Variants in PRPSAP2 observed in about 807,000 individuals in gnomAD.
The protein encoded by PRPSAP2 is phosphoribosyl pyrophosphate synthase-associated protein 2.
PRPSAP2 carries 24 observed loss-of-function variants against 40.6 expected under a neutral mutation model. The observed-to-expected ratio is 0.59, with a 90% CI of 0.43 to 0.83. The LOEUF is 0.83. Among genes scored for constraint, PRPSAP2 ranks in the 40% least tolerant of loss-of-function variants. The pLI, the probability that PRPSAP2 is intolerant of heterozygous loss-of-function variation, is 0.00. For missense variants in PRPSAP2, 292 were observed against 465.6 expected (o/e 0.63, Z 3.43); for synonymous variants, 149 against 164.7 (o/e 0.90, Z 0.73).
chr17:18,878,744 A>C (rs1045728567), intron 6 of PRPSAP2, among the ~76,000 whole-genome samples: 12 of 152,082 alleles, frequency 7.9e-5, no homozygotes, highest in Non-Finnish European at 1.2e-4. Context: ...TTTAGTAGAG[A>C]CAGGGTTTCT....
At chr17:18,920,342 A>G (rs891687497) in intron 9 of PRPSAP2, among the ~76,000 whole-genome samples, 4 of 152,146 alleles carry the variant, frequency 2.6e-5, no homozygotes, top group Non-Finnish European at 5.9e-5. Context: ...TCTGGAAATG[A>G]GTTCATAGGA....
intron 8 of PRPSAP2, among the ~76,000 whole-genome samples, chr17:18,894,599 T>A (rs1199259487): frequency 6.6e-6 from 1 of 150,510 alleles, no homozygotes; most frequent in Admixed American, 6.7e-5. Context: ...CTGCCTCACC[T>A]CCTGAGTAGC....
At chr17:18,898,395 T>C (rs145804164) in intron 8 of PRPSAP2, among the ~76,000 whole-genome samples, 1 of 152,372 alleles carries the variant, frequency 6.6e-6, no homozygotes, top group East Asian at 1.9e-4. Flanking sequence ...TCTTCCTTGC[T>C]GATATTCCAA....
At chr17:18,895,697 C>T (rs1486196640) in intron 8 of PRPSAP2, among the ~76,000 whole-genome samples, 1 of 151,994 alleles carries the variant, frequency 6.6e-6, no homozygotes, top group Non-Finnish European at 1.5e-5. Flanking sequence ...ATGATCTCAG[C>T]TCACTGTGAC....
At chr17:18,863,831 C>CTTTTTTT (rs34770102) in intron 1 of PRPSAP2, among the ~76,000 whole-genome samples, 1 of 86,052 alleles carries the variant, frequency 1.2e-5, no homozygotes, top group Non-Finnish European at 2.1e-5. Flanking sequence ...ACTGCGTGGC[C>CTTTTTTT]TTTTTTTTTT....
chr17:18,872,090 G>A lies in PRPSAP2; in HGVS notation c.173-493G>A, dbSNP rs532189397. On this transcript the variant is annotated intron_variant, in intron 4 of 11. Transcript: ENST00000268835. ...TCGAGACCATCCTGGCTAACATGGT[G>A]AAACCCTGTCTCTACTAAAAAAATA... Among the ~76,000 whole-genome samples, 41 of 152,186 alleles carry A rather than the reference G, an allele frequency of 2.7e-4. No individual in the cohort carries two copies. In the Middle Eastern group the frequency reaches 0.01, roughly 38 times the overall value.
intron 5 of PRPSAP2, among the ~76,000 whole-genome samples, chr17:18,874,134 G>A (rs1659761660): frequency 6.6e-6 from 1 of 151,954 alleles, no homozygotes; most frequent in Non-Finnish European, 1.5e-5. Context: ...CAAACTTTTG[G>A]CCTCAAGTGA....
chr17:18,872,081 T>C (rs2037925961), intron 4 of PRPSAP2, among the ~76,000 whole-genome samples: 2 of 152,036 alleles, frequency 1.3e-5, no homozygotes, highest in Admixed American at 1.3e-4. Context: ...CCATCCTGGC[T>C]AACATGGTGA....
rs755086865 is a variant in PRPSAP2 at position 18,930,725 on chromosome 17, G to A, written c.*27G>A. The A allele has an allele frequency of 8.2e-6, 13 of 1,586,682 alleles. No individual in the cohort carries two copies. In the Admixed American group the frequency reaches 1.0e-4, roughly 13 times the overall value. On this transcript the variant is annotated 3_prime_UTR_variant, in exon 12 of 12. Transcript: ENST00000268835. Reference sequence around the variant, plus strand: ...TTTTCCTTTAGGAAAACTCCCGAGGGCCAAACTGGAAACATAAGAGTGACT... The same window carrying A: ...TTTTCCTTTAGGAAAACTCCCGAGGACCAAACTGGAAACATAAGAGTGACT...
intron 8 of PRPSAP2, among the ~76,000 whole-genome samples, chr17:18,892,727 G>GTGTGTGTTTGTT (rs60288281): frequency 6.3e-5 from 8 of 126,626 alleles, no homozygotes; most frequent in African/African-American, 9.1e-5. Flanking sequence ...GTGTGTGTGT[G>GTGTGTGTTTGTT]TATTTATTTA....
At chr17:18,872,051 G>A (rs956353547) in intron 4 of PRPSAP2, among the ~76,000 whole-genome samples, 3 of 152,054 alleles carry the variant, frequency 2.0e-5, no homozygotes, top group Non-Finnish European at 4.4e-5. Context: ...CAGGCAGATC[G>A]CGAGGTCAGG....
At chr17:18,926,219 C>T (rs367664149) in intron 10 of PRPSAP2, among the ~76,000 whole-genome samples, 3 of 151,806 alleles carry the variant, frequency 2.0e-5, no homozygotes, top group Admixed American at 6.6e-5. Flanking sequence ...CCTTTCCCCC[C>T]GTTCTAGTGC....
intron 3 of PRPSAP2, among the ~76,000 whole-genome samples, chr17:18,866,359 T>C (rs1156838155): frequency 6.6e-6 from 1 of 152,100 alleles, no homozygotes; most frequent in Non-Finnish European, 1.5e-5. Context: ...GGTCAGGAGA[T>C]TGAGACCATC....
chr17:18,868,524 A>C (rs1266387838), intron 4 of PRPSAP2, among the ~76,000 whole-genome samples: 1 of 151,842 alleles, frequency 6.6e-6, no homozygotes, highest in African/African-American at 2.4e-5. Context: ...GGAGCGATGG[A>C]CAGCTTGCAT....
intron 8 of PRPSAP2, among the ~76,000 whole-genome samples, chr17:18,897,893 A>G (rs1048198149): frequency 1.5e-4 from 22 of 151,666 alleles, no homozygotes; most frequent in African/African-American, 5.3e-4. Context: ...TAGAAGTCAT[A>G]CCTCTCTGTG....
chr17:18,884,985 C>T (rs1308776592), intron 7 of PRPSAP2, among the ~76,000 whole-genome samples: 3 of 152,206 alleles, frequency 2.0e-5, no homozygotes, highest in African/African-American at 7.2e-5. Context: ...CTGGGGCACC[C>T]TTGTGCTGGT....
chr17:18,865,920 A>G lies in PRPSAP2; in HGVS notation c.87A>G (p.Ser29=). 1 of 1,538,672 alleles carries G rather than the reference A, an allele frequency of 6.5e-7. No individual in the cohort carries two copies. Among genetic ancestry groups the G allele is most frequent in the Non-Finnish European group, 8.8e-7 (1 of 1,132,990 alleles). The change falls in exon 3 of 12, where the codon TCA becomes TCG. Residue 29 remains serine (S), a synonymous_variant. Transcript: ENST00000268835. ...GLVLFSANSN[S]SCMELSKKIA... Reference sequence around the variant, plus strand: ...TGTTGTTTTCAGCAAACTCGAATTCATCATGTATGGAGCTATCAAAGAAAA... The same window carrying G: ...TGTTGTTTTCAGCAAACTCGAATTCGTCATGTATGGAGCTATCAAAGAAAA...
At chr17:18,888,973 G>GTTT (rs1460286828) in intron 7 of PRPSAP2, among the ~76,000 whole-genome samples, 2 of 152,178 alleles carry the variant, frequency 1.3e-5, no homozygotes, top group Admixed American at 1.3e-4. Flanking sequence ...TCTTGGTTCT[G>GTTT]TCTTTTCTTG....
chr17:18,926,589 C>T (rs1335939988), intron 10 of PRPSAP2, among the ~76,000 whole-genome samples: 2 of 152,058 alleles, frequency 1.3e-5, no homozygotes, highest in Non-Finnish European at 2.9e-5. Context: ...TTTAAAAAAA[C>T]GTTTTTATTT....
Sources: allele counts gnomAD v4.1 joint callset (sites outside exome capture counted in the v4.1 genomes callset), GRCh38; gene constraint gnomAD v4.1.1; transcripts MANE v1.5; gene names NCBI Gene and HGNC (gene_info 2026-07-23, HGNC 2026-07-21).